Variants in PCDHGB3 observed in about 807,000 individuals in gnomAD.
The protein encoded by PCDHGB3 is protocadherin gamma-B3.
A neutral mutation model predicts 59.2 loss-of-function variants in PCDHGB3; 40 were observed. The ratio of observed to expected loss-of-function variants is 0.68; its 90% CI spans 0.52 to 0.88. The LOEUF is 0.88. Among genes scored for constraint, PCDHGB3 ranks in the 40% least tolerant of loss-of-function variants. The pLI is 0.00. For missense variants in PCDHGB3, 1,309 were observed against 1,187.9 expected (o/e 1.10, Z -1.50); for synonymous variants, 581 against 503.6 (o/e 1.15, Z -2.06).
intron 1 of PCDHGB3, chr5:141,427,980 G>A (rs1398178738): frequency 6.3e-7 from 1 of 1,596,206 alleles, no homozygotes. Context: ...CCCCGCGCTG[G>A]GGCCCGATGG....
chr5:141,413,737 A>AC, intron 1 of PCDHGB3: 1 of 1,613,410 alleles, frequency 6.2e-7, no homozygotes, highest in Non-Finnish European at 8.5e-7. Flanking sequence ...AAGAGTTCAG[A>AC]GCCGTGCCAA....
Position 141,370,436 on chromosome 5 carries a change from G to A in PCDHGB3, c.42G>A (p.Arg14=). 6.2e-7 allele frequency: 1 copy of A among 1,604,136 alleles called. No homozygotes were observed. Among genetic ancestry groups the A allele is most frequent in the Non-Finnish European group, 8.5e-7 (1 of 1,174,984 alleles). Reference sequence around the variant, plus strand: ...GATGGAGGGGCCCAGCAGGGCAGAGGCGAATGCTATTTCTCTTCCTGCTCT... The same window carrying A: ...GATGGAGGGGCCCAGCAGGGCAGAGACGAATGCTATTTCTCTTCCTGCTCT... ...SSGWRGPAGQ[R]RMLFLFLLSL... The change falls in exon 1 of 4, where the codon AGG becomes AGA. Residue 14 remains arginine (R), a synonymous_variant. Coordinates refer to ENST00000576222, the MANE Select transcript of PCDHGB3 (RefSeq NM_018924.5).
Position 141,490,121 on chromosome 5 carries a change from G to A in PCDHGB3, c.2416-4686G>A. On this transcript the variant is annotated intron_variant, in intron 1 of 3. Coordinates refer to ENST00000576222, the MANE Select transcript of PCDHGB3 (RefSeq NM_018924.5). The surrounding 1 kb of genome is among the most constrained non-coding windows in gnomAD (Gnocchi z 5.4). Reference sequence around the variant, plus strand: ...TCTGAGGCAGTGCGGAACCTCTTTGGCCTAGACCCTAGCAGTGGGGCAATC... The same window carrying A: ...TCTGAGGCAGTGCGGAACCTCTTTGACCTAGACCCTAGCAGTGGGGCAATC... 1 of 1,614,256 alleles carries A rather than the reference G, an allele frequency of 6.2e-7. No individual in the cohort carries two copies. Among genetic ancestry groups the A allele is most frequent in the Non-Finnish European group, 8.5e-7 (1 of 1,180,052 alleles).
rs556183945 is a variant in PCDHGB3 at position 141,404,478 on chromosome 5, C to G, written c.2415+31669C>G. On this transcript the variant is annotated intron_variant, in intron 1 of 3. Coordinates refer to ENST00000576222, the MANE Select transcript of PCDHGB3 (RefSeq NM_018924.5). ...CTCTCCACCTATGTCTCTATTAACT[C>G]AGACACTGGTGTGCTGTATGCTCTG... 36 of 1,613,412 alleles carry G rather than the reference C, an allele frequency of 2.2e-5. No homozygotes were observed. In the South Asian group the frequency reaches 3.6e-4, roughly 16 times the overall value.
rs753954982 is a variant in PCDHGB3 at position 141,478,158 on chromosome 5, C to A, written c.2416-16649C>A. 9 of 1,613,936 alleles carry A rather than the reference C, an allele frequency of 5.6e-6. No individual in the cohort carries two copies. In the African/African-American group the frequency reaches 1.2e-4, roughly 22 times the overall value. On this transcript the variant is annotated intron_variant, in intron 1 of 3. Transcript: ENST00000576222. ...GCCCGAGCCGAGTTCCCCTCTGGCT[C>A]TGCCCCCCGGGAGCAGAAAAAAAAT...
chr5:141,393,794 T>C, intron 1 of PCDHGB3: 1 of 1,613,934 alleles, frequency 6.2e-7, no homozygotes, highest in South Asian at 1.1e-5. Flanking sequence ...TGGGGGCACT[T>C]CTGGGGAGGA....
At chr5:141,414,358 C>T (rs1414747968) in intron 1 of PCDHGB3, 1 of 1,613,818 alleles carries the variant, frequency 6.2e-7, no homozygotes, top group Non-Finnish European at 8.5e-7. Context: ...GGCGTATCTA[C>T]CATTTAAATT....
Position 141,370,283 on chromosome 5 carries a change from A to G in PCDHGB3, c.-112A>G, listed in dbSNP as rs1275076013. 2 of 944,824 alleles carry G rather than the reference A, an allele frequency of 2.1e-6. No individual in the cohort carries two copies. Among genetic ancestry groups the G allele is most frequent in the Non-Finnish European group, 3.1e-6 (2 of 644,634 alleles). The allele number at this position is 944,824 out of a possible 1,614,324, so 58.5% of individuals were successfully genotyped here. ...TTCCTGCAGCGGAGACACCCATTAG[A>G]GAACCCAAGCACAAAGACAAAGCAA... On this transcript the variant is annotated 5_prime_UTR_variant, in exon 1 of 4. Transcript: ENST00000576222.
At chr5:141,385,285 G>C in intron 1 of PCDHGB3, 1 of 1,613,408 alleles carries the variant, frequency 6.2e-7, no homozygotes, top group Non-Finnish European at 8.5e-7. Flanking sequence ...AACATCCGTA[G>C]ATTTTCAGGA....
chr5:141,432,919 C>T lies in PCDHGB3; in HGVS notation c.2415+60110C>T. ...TGGCGCTCAGGCTGCGGCGCTGGCACAAGTCACGCCTGCTGCAGGCTTCAG... is the reference window on the plus strand; with the variant it reads ...TGGCGCTCAGGCTGCGGCGCTGGCATAAGTCACGCCTGCTGCAGGCTTCAG... On this transcript the variant is annotated intron_variant, in intron 1 of 3. Coordinates refer to ENST00000576222, the MANE Select transcript of PCDHGB3 (RefSeq NM_018924.5). The surrounding 1 kb of genome is among the most constrained non-coding windows in gnomAD (Gnocchi z 6.0). The T allele has an allele frequency of 2.5e-6, 4 of 1,614,210 alleles. No individual in the cohort carries two copies. Among genetic ancestry groups the T allele is most frequent in the Non-Finnish European group, 3.4e-6 (4 of 1,180,040 alleles).
chr5:141,374,151 T>C lies in PCDHGB3; in HGVS notation c.2415+1342T>C, dbSNP rs759314106. ...CTGCTCCTCACGCTCCTGGGGACGC[T>C]GTGGGGGGCCGCGGCAGCGCAGATC... On this transcript the variant is annotated intron_variant, in intron 1 of 3. Coordinates refer to ENST00000576222, the MANE Select transcript of PCDHGB3 (RefSeq NM_018924.5). 2 of 1,611,862 alleles carry C rather than the reference T, an allele frequency of 1.2e-6. No individual in the cohort carries two copies. Among genetic ancestry groups the C allele is most frequent in the Non-Finnish European group, 1.7e-6 (2 of 1,178,732 alleles).
At chr5:141,384,071 C>A (rs1476893471) in intron 1 of PCDHGB3, 2 of 1,603,074 alleles carry the variant, frequency 1.2e-6, no homozygotes, top group Non-Finnish European at 1.7e-6. Context: ...GAAAACCTAC[C>A]TTTTAAATTA....
intron 1 of PCDHGB3, chr5:141,420,275 G>A: frequency 1.3e-6 from 2 of 1,524,576 alleles, no homozygotes; most frequent in Non-Finnish European, 1.8e-6. Flanking sequence ...TCTTAAACAG[G>A]TAAGTATTTA....
At chr5:141,390,649 G>A in intron 1 of PCDHGB3, 1 of 210,770 alleles carries the variant, frequency 4.7e-6, no homozygotes, top group Non-Finnish European at 9.4e-6. Flanking sequence ...TTTTCAGCTT[G>A]GATATACCAT....
At chr5:141,508,383 T>C (rs1169318572) in intron 3 of PCDHGB3, 1 of 152,236 alleles carries the variant, frequency 6.6e-6, no homozygotes, top group Non-Finnish European at 1.5e-5. Flanking sequence ...CTCAGATTTA[T>C]AGATGGGAAA....
intron 1 of PCDHGB3, chr5:141,415,448 C>T (rs2095870056): frequency 6.2e-7 from 1 of 1,614,052 alleles, no homozygotes; most frequent in African/African-American, 1.3e-5. Flanking sequence ...CAGACCTATT[C>T]CCACGAGGTC....
rs577323909 is a variant in PCDHGB3 at position 141,419,160 on chromosome 5, C to G, written c.2415+46351C>G. 13 of 1,613,956 alleles carry G rather than the reference C, an allele frequency of 8.1e-6. 1 individual carries two copies. In the South Asian group the frequency reaches 1.4e-4, roughly 18 times the overall value. On this transcript the variant is annotated intron_variant, in intron 1 of 3. Coordinates refer to ENST00000576222, the MANE Select transcript of PCDHGB3 (RefSeq NM_018924.5). ...GACAGGGGCAAGCCTCCGTTATCCT[C>G]CAGCAAAACCATAACCCTGCACATT...
chr5:141,382,965 C>T, intron 1 of PCDHGB3: 1 of 1,608,730 alleles, frequency 6.2e-7, no homozygotes, highest in East Asian at 2.2e-5. Flanking sequence ...TCCTGGGGAC[C>T]CCCTGGGAAG....
rs867810670 is a variant in PCDHGB3 at position 141,385,551 on chromosome 5, T to C, written c.2415+12742T>C. 11 of 1,313,528 alleles carry C rather than the reference T, an allele frequency of 8.4e-6. No individual in the cohort carries two copies. The African/African-American group carries it at 9.1e-5, about 11-fold the overall frequency. 81.4% of individuals were successfully genotyped at this position (1,313,528 alleles called of 1,614,324 possible). ...GATTATGAATATGTGGACTATCACA[T>C]TTTATAATTTCCACCTACTTTCCAA... On this transcript the variant is annotated intron_variant, in intron 1 of 3. Transcript: ENST00000576222.
Sources: gnomAD v4.1 joint callset for allele counts on GRCh38, gnomAD v4.1.1 for gene constraint, Gnocchi (gnomAD v3.1) non-coding constraint, MANE v1.5 for transcripts, NCBI Gene and HGNC (gene_info 2026-07-23, HGNC 2026-07-21) for gene names.